CCDC192: variants seen among roughly 807,000 people sequenced by gnomAD.
The protein encoded by CCDC192 is coiled-coil domain containing 192, also known as coiled-coil domain-containing protein 192.
At chr5:127,915,445 A>G (rs1312360182) in intron 6 of CCDC192, among the ~76,000 whole-genome samples, 1 of 152,182 alleles carries the variant, frequency 6.6e-6, no homozygotes, top group African/African-American at 2.4e-5. Context: ...GCAGTGGCGC[A>G]ATCTCTGCTC....
At chr5:127,734,979 GT>G (rs1346728207) in intron 2 of CCDC192, among the ~76,000 whole-genome samples, 1 of 143,734 alleles carries the variant, frequency 7.0e-6, no homozygotes, top group Non-Finnish European at 1.5e-5. Flanking sequence ...TGCTTTTGGT[GT>G]TTTAGACATG....
At chr5:127,906,822 G>A (rs1398098678) in intron 6 of CCDC192, among the ~76,000 whole-genome samples, 1 of 152,064 alleles carries the variant, frequency 6.6e-6, no homozygotes, top group African/African-American at 2.4e-5. Context: ...ATCTATTTGA[G>A]TTCCTCCTTT....
At chr5:127,746,474 G>C (rs1393565290) in intron 2 of CCDC192, among the ~76,000 whole-genome samples, 36 of 152,048 alleles carry the variant, frequency 2.4e-4, no homozygotes, top group Admixed American at 2.3e-3. Flanking sequence ...AATTTTCCCT[G>C]GAAATAGCAG....
chr5:127,854,908 A>G (rs564806287), intron 5 of CCDC192, among the ~76,000 whole-genome samples: 2 of 152,388 alleles, frequency 1.3e-5, no homozygotes, highest in African/African-American at 4.8e-5. Context: ...TTTTATAACA[A>G]TGTAAACATA....
At position 127,729,796 on chromosome 5, in the gene CCDC192, GA is replaced by G. The variant is rs375682443; in HGVS notation, c.114+22040del. 1.8e-4 allele frequency among the ~76,000 whole-genome samples: 27 copies of G among 152,262 alleles called. No homozygotes were observed. The South Asian group carries it at 2.3e-3, about 13-fold the overall frequency. ...CTGGGTAAATAATAAAATTAAGGCA[GA>G]AAACAAGAAGTTCTTTGAAACCAAT... On this transcript the variant is annotated intron_variant, in intron 2 of 6. Coordinates refer to ENST00000514853, the MANE Select transcript of CCDC192 (RefSeq NM_001317938.2).
intron 6 of CCDC192, among the ~76,000 whole-genome samples, chr5:127,915,668 A>T (rs1753500571): frequency 6.6e-6 from 1 of 152,124 alleles, no homozygotes; most frequent in South Asian, 2.1e-4. Context: ...GGCGTGAGCC[A>T]CTGCGCCCAG....
At chr5:127,920,623 C>T (rs548371390) in intron 6 of CCDC192, among the ~76,000 whole-genome samples, 1 of 152,006 alleles carries the variant, frequency 6.6e-6, no homozygotes, top group South Asian at 2.1e-4. Flanking sequence ...GTTGGCCAGG[C>T]TGGTCTCAAA....
intron 5 of CCDC192, among the ~76,000 whole-genome samples, chr5:127,821,232 G>C (rs1257917058): frequency 1.3e-5 from 2 of 152,178 alleles, no homozygotes; most frequent in Non-Finnish European, 1.5e-5. Flanking sequence ...ACTGATGTTA[G>C]ATCAACCAGT....
chr5:127,761,178 T>C (rs981266841), intron 3 of CCDC192, among the ~76,000 whole-genome samples: 2 of 152,252 alleles, frequency 1.3e-5, no homozygotes, highest in African/African-American at 4.8e-5. Flanking sequence ...GTTTCTTTGC[T>C]GTTTTTTCTG....
intron 2 of CCDC192, among the ~76,000 whole-genome samples, chr5:127,744,663 T>C (rs1753634031): frequency 6.6e-6 from 1 of 152,216 alleles, no homozygotes; most frequent in Admixed American, 6.5e-5. Flanking sequence ...CAAACTTGAT[T>C]GAATTTCCCA....
intron 2 of CCDC192, among the ~76,000 whole-genome samples, chr5:127,715,540 T>G (rs753966570): frequency 4.6e-5 from 7 of 152,246 alleles, no homozygotes; most frequent in Non-Finnish European, 1.0e-4. Flanking sequence ...GGTTCTATTT[T>G]ATCAAGATTG....
chr5:127,743,293 A>G (rs1177015927), intron 2 of CCDC192, among the ~76,000 whole-genome samples: 1 of 152,052 alleles, frequency 6.6e-6, no homozygotes, highest in Non-Finnish European at 1.5e-5. Flanking sequence ...GGCAAAGGGC[A>G]CCCGTACTTC....
chr5:127,846,913 A>G (rs1053502918), intron 5 of CCDC192, among the ~76,000 whole-genome samples: 2 of 151,250 alleles, frequency 1.3e-5, no homozygotes, highest in African/African-American at 4.9e-5. Flanking sequence ...CATTCTGTCA[A>G]TTCTACCTTG....
At chr5:127,738,227 A>T (rs887808422) in intron 2 of CCDC192, among the ~76,000 whole-genome samples, 5 of 149,736 alleles carry the variant, frequency 3.3e-5, no homozygotes, top group African/African-American at 1.2e-4. Context: ...TGGGTTGAAA[A>T]TTCTTTCCTT....
intron 5 of CCDC192, among the ~76,000 whole-genome samples, chr5:127,835,281 C>G (rs1749985155): frequency 6.6e-6 from 1 of 152,148 alleles, no homozygotes; most frequent in Non-Finnish European, 1.5e-5. Flanking sequence ...AGGAAACACT[C>G]CATATGGTTC....
At chr5:127,862,782 T>C (rs1040885662) in intron 5 of CCDC192, among the ~76,000 whole-genome samples, 4 of 152,194 alleles carry the variant, frequency 2.6e-5, no homozygotes, top group Non-Finnish European at 5.9e-5. Flanking sequence ...TACTAATGCA[T>C]TGAGTTTTCC....
intron 6 of CCDC192, among the ~76,000 whole-genome samples, chr5:127,876,864 A>G (rs1378969689): frequency 6.6e-6 from 1 of 152,202 alleles, no homozygotes; most frequent in African/African-American, 2.4e-5. Context: ...CCAGGATTCA[A>G]ATGCCATGTA....
At chr5:127,784,496 A>G in intron 3 of CCDC192, 1 of 342,938 alleles carries the variant, frequency 2.9e-6, no homozygotes, top group Non-Finnish European at 5.5e-6. Flanking sequence ...TCTTGGTCTC[A>G]GCTTTAAAAA....
chr5:127,917,625 C>T (rs1753561218), intron 6 of CCDC192, among the ~76,000 whole-genome samples: 1 of 152,130 alleles, frequency 6.6e-6, no homozygotes, highest in Non-Finnish European at 1.5e-5. Context: ...GGGAAATCGT[C>T]AGTAAGTGGA....
Sources: allele counts gnomAD v4.1 joint callset (sites outside exome capture counted in the v4.1 genomes callset), GRCh38; gene constraint gnomAD v4.1.1; transcripts MANE v1.5; gene names NCBI Gene and HGNC (gene_info 2026-07-23, HGNC 2026-07-21).